The following ACOXL variants were observed in gnomAD, a reference collection of about 807,000 sequenced individuals.
ACOXL encodes the protein acyl-coenzyme A oxidase-like protein.
ACOXL carries 70 observed loss-of-function variants against 71.9 expected under a neutral mutation model. That is an observed-to-expected ratio of 0.97 (90% CI 0.80 to 1.19). ACOXL has a LOEUF of 1.19. Among genes scored for constraint, ACOXL ranks in the 50% most tolerant of loss-of-function variants. The pLI is 0.00. For synonymous variants in ACOXL, 253 were observed against 281.6 expected (o/e 0.90, Z 1.02); for missense variants, 703 against 736.3 (o/e 0.95, Z 0.52).
chr2:111,095,391 C>CTTTTTTTTTT (rs780172456), intron 17 of ACOXL, among the ~76,000 whole-genome samples: 5 of 116,590 alleles, frequency 4.3e-5, no homozygotes, highest in Admixed American at 1.0e-4. Context: ...TTTTCTTTTT[C>CTTTTTTTTTT]TTTTTTTTTT....
chr2:110,841,511 C>A, intron 10 of ACOXL, 106 bp downstream of exon 10: 1 of 822,088 alleles, frequency 1.2e-6, no homozygotes, highest in Non-Finnish European at 1.9e-6. Context: ...GGTTGCTTTC[C>A]TGTGATGTCC....
At chr2:110,966,829 C>T (rs2061952503) in intron 12 of ACOXL, among the ~76,000 whole-genome samples, 1 of 152,184 alleles carries the variant, frequency 6.6e-6, no homozygotes, top group Non-Finnish European at 1.5e-5. Context: ...ACAGAACTTG[C>T]CCCCAACCTG....
chr2:111,057,831 T>G (rs1198521616), intron 16 of ACOXL, among the ~76,000 whole-genome samples: 2 of 152,264 alleles, frequency 1.3e-5, no homozygotes, highest in Non-Finnish European at 2.9e-5. Flanking sequence ...GCTCTGCTCC[T>G]TGATACTTCA....
At chr2:110,789,113 C>T (rs1553539679) in intron 3 of ACOXL, among the ~76,000 whole-genome samples, 1 of 152,228 alleles carries the variant, frequency 6.6e-6, no homozygotes, top group Non-Finnish European at 1.5e-5. Context: ...TGTACTCACA[C>T]AGCCAAGTGC....
chr2:110,972,633 G>GCA lies in ACOXL; in HGVS notation c.1060-14463_1060-14462dup, dbSNP rs963311036. Among the ~76,000 whole-genome samples the GCA allele has an allele frequency of 4.7e-5, 6 of 128,118 alleles. No individual in the cohort carries two copies. The South Asian group carries it at 1.1e-3, about 24-fold the overall frequency. The allele number at this position is 128,118 out of a possible 152,430, so 84.1% of individuals were successfully genotyped here. A position where few individuals can be genotyped will look rare whatever the true frequency, so the allele number is the denominator to read the frequency against. On this transcript the variant is annotated intron_variant, in intron 12 of 17. Transcript: ENST00000439055. ...ATCTCTGTCTCTCTCACACGCACAT[G>GCA]CACACACACACACGTGCACACACAC...
chr2:111,050,587 T>C (rs982308999), intron 16 of ACOXL, among the ~76,000 whole-genome samples: 1 of 152,188 alleles, frequency 6.6e-6, no homozygotes, highest in Non-Finnish European at 1.5e-5. Context: ...CTATCCTGTG[T>C]TTTCTCCTAC....
At chr2:110,791,997 T>A (rs1240927090) in intron 3 of ACOXL, among the ~76,000 whole-genome samples, 3 of 152,148 alleles carry the variant, frequency 2.0e-5, no homozygotes, top group Non-Finnish European at 4.4e-5. Context: ...TTGGCTTCAT[T>A]CCCCAGCTCA....
At chr2:111,028,318 G>C (rs112095783) in intron 14 of ACOXL, among the ~76,000 whole-genome samples, 9,856 of 151,778 alleles carry the variant, frequency 0.065, 430 homozygotes, top group Middle Eastern at 0.11. Flanking sequence ...GGGTCTCACT[G>C]TGTCACCCAG....
chr2:111,029,425 C>T (rs988578635), intron 14 of ACOXL, among the ~76,000 whole-genome samples: 9 of 152,184 alleles, frequency 5.9e-5, no homozygotes, highest in African/African-American at 1.9e-4. Flanking sequence ...ACTTGGAGGC[C>T]GAGCCAGAAT....
intron 13 of ACOXL, among the ~76,000 whole-genome samples, chr2:110,993,498 C>T (rs2063265635): frequency 6.6e-6 from 1 of 152,130 alleles, no homozygotes; most frequent in Admixed American, 6.5e-5. Flanking sequence ...TAGTATTTTA[C>T]TTTATGGATA....
rs184938542 is a variant in ACOXL at position 110,919,670 on chromosome 2, A to C, written c.905+10765A>C. ...ATTGTCTACCACTTCAGTATCAAAC[A>C]AAATTGTTCCACCTCCCACCAAATT... On this transcript the variant is annotated intron_variant, in intron 11 of 17. Transcript: ENST00000439055. 3.0e-3 allele frequency among the ~76,000 whole-genome samples: 459 copies of C among 152,286 alleles called. 3 individuals carry two copies. The highest frequency in any genetic ancestry group is 0.01 in the African/African-American group (433 of 41,558).
At chr2:110,763,048 A>C (rs1423402238) in intron 1 of ACOXL, among the ~76,000 whole-genome samples, 4 of 152,224 alleles carry the variant, frequency 2.6e-5, no homozygotes, top group Non-Finnish European at 5.9e-5. Flanking sequence ...TATTTCAAAA[A>C]GTCATGAATG....
At chr2:110,845,206 G>T (rs1691664003) in intron 10 of ACOXL, among the ~76,000 whole-genome samples, 1 of 152,216 alleles carries the variant, frequency 6.6e-6, no homozygotes, top group Non-Finnish European at 1.5e-5. Context: ...CTGCTTCCAA[G>T]ATGGTGCCTT....
intron 2 of ACOXL, among the ~76,000 whole-genome samples, chr2:110,770,093 A>AC (rs1250481744): frequency 2.0e-5 from 3 of 151,864 alleles, no homozygotes; most frequent in Non-Finnish European, 4.4e-5. Context: ...GCCCTCTGAG[A>AC]CCCCCTAAGG....
At chr2:110,987,745 G>A (rs1453903239) in intron 13 of ACOXL, among the ~76,000 whole-genome samples, 5 of 152,116 alleles carry the variant, frequency 3.3e-5, no homozygotes, top group African/African-American at 1.2e-4. Context: ...CATTCAAATT[G>A]TTAAGTATAG....
At chr2:111,097,679 GGAGCCAACTGAGAGA>G (rs1182340115) in intron 17 of ACOXL, among the ~76,000 whole-genome samples, 1 of 152,200 alleles carries the variant, frequency 6.6e-6, no homozygotes, top group African/African-American at 2.4e-5. Flanking sequence ...GACACAGGAA[GGAGCCAACTGAGAGA>G]GCTCCTTCCC....
At chr2:110,965,058 A>G (rs552569668) in intron 12 of ACOXL, among the ~76,000 whole-genome samples, 145 of 152,254 alleles carry the variant, frequency 9.5e-4, no homozygotes, top group African/African-American at 3.3e-3. Flanking sequence ...GCTCCCATAT[A>G]TGGGTAAGAA....
intron 2 of ACOXL, among the ~76,000 whole-genome samples, chr2:110,774,579 A>G (rs949763990): frequency 3.9e-5 from 6 of 152,252 alleles, no homozygotes; most frequent in African/African-American, 1.4e-4. Context: ...TTATCATAGC[A>G]TCAAAAAGAA....
intron 9 of ACOXL, among the ~76,000 whole-genome samples, chr2:110,808,271 G>A (rs1475810194): frequency 1.3e-5 from 2 of 152,148 alleles, no homozygotes; most frequent in African/African-American, 2.4e-5. Context: ...TTTGCGCAGA[G>A]GTAAATATTT....
Sources: gnomAD v4.1 joint callset for allele counts (sites outside exome capture counted in the v4.1 genomes callset) on GRCh38, gnomAD v4.1.1 for gene constraint, MANE v1.5 for transcripts, NCBI Gene and HGNC (gene_info 2026-07-23, HGNC 2026-07-21) for gene names.